The following BCL9 variants were observed in gnomAD, a reference collection of about 807,000 sequenced individuals.
BCL9 encodes BCL9 transcription coactivator.
BCL9 carries 25 observed loss-of-function variants against 88.5 expected under a neutral mutation model. The observed-to-expected ratio is 0.28, with a 90% CI of 0.21 to 0.39. The LOEUF is 0.39. Among genes scored for constraint, BCL9 ranks in the 10% least tolerant of loss-of-function variants. The pLI is 1.00. For synonymous variants in BCL9, 711 were observed against 673.3 expected, an observed-to-expected ratio of 1.06 and a Z score of -0.87; for missense variants, 1,817 against 1,877.8, an observed-to-expected ratio of 0.97 and a Z score of 0.60.
chr1:147,580,833 C>T (rs587644783), intron 1 of BCL9, among the ~76,000 whole-genome samples: 3 of 152,294 alleles, frequency 2.0e-5, no homozygotes, highest in East Asian at 3.9e-4. Context: ...TGAGGACCTA[C>T]TATGTGCTGG....
chr1:147,617,784 A>C (rs587699717), intron 7 of BCL9, among the ~76,000 whole-genome samples: 19 of 152,272 alleles, frequency 1.2e-4, no homozygotes, highest in Admixed American at 1.2e-3. Flanking sequence ...AGTAGGAGCA[A>C]ATGAACACGG....
Position 147,545,876 on chromosome 1 carries a change from G to GTATAAC in BCL9, c.-478+4202_-478+4203insTATAAC, listed in dbSNP as rs587687083. On this transcript the variant is annotated intron_variant, in intron 1 of 9. Transcript: ENST00000234739. ...GTATTGTTATCCTTCTGTTATATTT[G>GTATAAC]AGTAAGGTTATGTGACTCACCCAAG... is the stretch of plus-strand genomic sequence containing the variant. Among the ~76,000 whole-genome samples, 616 of 152,204 alleles carry GTATAAC rather than the reference G, an allele frequency of 4.0e-3. 4 individuals are homozygous for GTATAAC. The highest frequency in any genetic ancestry group is 0.014 in the African/African-American group (580 of 41,526).
chr1:147,575,050 G>A (rs924863615), intron 1 of BCL9, among the ~76,000 whole-genome samples: 6 of 152,144 alleles, frequency 3.9e-5, no homozygotes, highest in African/African-American at 1.2e-4. Context: ...CAAAAAAGAC[G>A]AATAATAATA....
At chr1:147,564,552 A>C (rs1655522096) in intron 1 of BCL9, among the ~76,000 whole-genome samples, 1 of 152,138 alleles carries the variant, frequency 6.6e-6, no homozygotes, top group Admixed American at 6.5e-5. Context: ...CAATTTCCTC[A>C]TCTGTAAAAT....
At chr1:147,577,834 ATGTGTGTG>A (rs67428703) in intron 1 of BCL9, among the ~76,000 whole-genome samples, 8 of 141,068 alleles carry the variant, frequency 5.7e-5, no homozygotes, top group East Asian at 2.2e-4. Flanking sequence ...TTTTCTACCA[ATGTGTGTG>A]TGTGTGTGTG....
chr1:147,619,501 C>T lies in BCL9; in HGVS notation c.1346C>T (p.Ser449Phe). The change falls in exon 8 of 10, where the codon TCT (serine) becomes TTT (phenylalanine). Residue 449 changes from serine to phenylalanine, a missense_variant. By Grantham distance (155) the Ser-to-Phe change is radical. This residue lies in a region of BCL9 where 1,228 missense variants were observed against 1,191.6 expected (regional missense o/e 1.03). Coordinates refer to ENST00000234739, the MANE Select transcript of BCL9 (RefSeq NM_004326.4). The surrounding 1 kb of genome is among the most constrained non-coding windows in gnomAD (Gnocchi z 4.1). ...TCTCCAGATGAAATGGTTCCACCTT[C>T]TATGAACTCCCAGTCTGGGACCATA... ...PFSPDEMVPP[S>F]MNSQSGTIGP... The T allele has an allele frequency of 6.2e-7, 1 of 1,614,166 alleles. No homozygotes were observed. Among genetic ancestry groups the T allele is most frequent in the South Asian group, 1.1e-5 (1 of 91,080 alleles).
chr1:147,624,980 C>G lies in BCL9; in HGVS notation c.*21C>G, dbSNP rs782434349. ...TTTAAGCTGCTAAGATGGGATGTGC[C>G]GATCCTTGTCAAGATGAGATTCCAG... is the stretch of plus-strand genomic sequence containing the variant. On this transcript the variant is annotated 3_prime_UTR_variant, in exon 10 of 10. Transcript: ENST00000234739. The surrounding 1 kb of genome is among the most constrained non-coding windows in gnomAD (Gnocchi z 4.4). 6.3e-6 allele frequency: 10 copies of G among 1,588,052 alleles called. No homozygotes were observed. The highest frequency in any genetic ancestry group is 2.2e-5 in the South Asian group (2 of 89,062).
chr1:147,591,195 C>T (rs191129438), intron 1 of BCL9, among the ~76,000 whole-genome samples: 32 of 151,974 alleles, frequency 2.1e-4, no homozygotes, highest in Non-Finnish European at 4.4e-4. Context: ...GTGCCTATTC[C>T]ATAGGCAGTA....
At chr1:147,614,844 C>T (rs1467127360) in intron 6 of BCL9, among the ~76,000 whole-genome samples, 1 of 142,264 alleles carries the variant, frequency 7.0e-6, no homozygotes. Context: ...ATCTCTTTTT[C>T]TTTTTTTTTT....
intron 1 of BCL9, among the ~76,000 whole-genome samples, chr1:147,582,766 A>G (rs920983174): frequency 3.3e-5 from 5 of 152,262 alleles, no homozygotes; most frequent in African/African-American, 9.6e-5. Flanking sequence ...CTTTCACCGT[A>G]CAATGGCAGA....
chr1:147,559,164 A>G (rs1248941461), intron 1 of BCL9, among the ~76,000 whole-genome samples: 1 of 1,870 alleles, frequency 5.3e-4, no homozygotes, highest in Non-Finnish European at 1.1e-3. Context: ...CATCTCTCCT[A>G]CTTTTTTTTC....
rs147212054 is a variant in BCL9, at chr1:147,614,521, C to T, written c.465C>T (p.Thr155=). The T allele has an allele frequency of 1.9e-6, 3 of 1,613,890 alleles. No individual in the cohort carries two copies. The highest frequency in any genetic ancestry group is 2.5e-6 in the Non-Finnish European group (3 of 1,179,932). The part of the protein sequence containing the change: ...PSNATAPRSS[T]PSHGQTTATE... ...ATGCTACAGCCCCCAGGTCTTCTAC[C>T]CCCTCCCATGGCCAAACTACTGCCA... Residue 155 remains threonine (T), a synonymous_variant, in exon 6 of 10, where the codon ACC becomes ACT. Coordinates refer to ENST00000234739, the MANE Select transcript of BCL9 (RefSeq NM_004326.4).
intron 1 of BCL9, among the ~76,000 whole-genome samples, chr1:147,584,378 C>A (rs1656505456): frequency 7.2e-6 from 1 of 139,154 alleles, no homozygotes; most frequent in African/African-American, 3.3e-5. Flanking sequence ...TCTTTCATCC[C>A]TCTGTAACTT....
chr1:147,619,835 G>A lies in BCL9; in HGVS notation c.1680G>A (p.Met560Ile), dbSNP rs1553204776. 6.2e-7 allele frequency: 1 copy of A among 1,614,192 alleles called. No individual in the cohort carries two copies. Among genetic ancestry groups the A allele is most frequent in the Non-Finnish European group, 8.5e-7 (1 of 1,180,040 alleles). The change falls in exon 8 of 10, where the codon ATG (methionine) becomes ATA (isoleucine). Residue 560 changes from methionine to isoleucine, a missense_variant. Coordinates refer to ENST00000234739, the MANE Select transcript of BCL9 (RefSeq NM_004326.4). The surrounding 1 kb of genome is among the most constrained non-coding windows in gnomAD (Gnocchi z 4.1). ...ACCCCAACATGCCAGGGAGCCAGAT[G>A]CGCCTCCCTGGATTTGCAGGCATGA... is the stretch of plus-strand genomic sequence containing the variant. ...APHPNMPGSQ[M>I]RLPGFAGMIN...
chr1:147,605,701 T>A (rs78684961), intron 2 of BCL9, among the ~76,000 whole-genome samples: 1,771 of 152,322 alleles, frequency 0.012, 21 homozygotes, highest in Non-Finnish European at 0.02. Context: ...TGGTTTTTCC[T>A]ATTGTGTACT....
At chr1:147,609,241 G>A (rs781995388) in intron 3 of BCL9, among the ~76,000 whole-genome samples, 51 of 152,166 alleles carry the variant, frequency 3.4e-4, no homozygotes, top group Admixed American at 2.0e-4. Context: ...CTCCTGAAGA[G>A]CCTAATTTTA....
At chr1:147,572,070 T>C in intron 1 of BCL9, among the ~76,000 whole-genome samples, 1 of 56,520 alleles carries the variant, frequency 1.8e-5, no homozygotes, top group East Asian at 5.7e-4. Context: ...AAACCCCGTC[T>C]GTACTAAAAA....
rs1344406557 is a variant in BCL9, at chr1:147,604,337, T to G, written c.-477-440T>G. 7.2e-5 allele frequency among the ~76,000 whole-genome samples: 11 copies of G among 152,334 alleles called. No homozygotes were observed. In the East Asian group the frequency reaches 1.9e-3, roughly 27 times the overall value. On this transcript the variant is annotated intron_variant, in intron 1 of 9. Transcript: ENST00000234739. ...CAACTGATTTTTGAAAGTTATATTA[T>G]CTCATGGCCACTTGCATTTTAGGTT...
At chr1:147,579,155 C>T (rs1047411203) in intron 1 of BCL9, among the ~76,000 whole-genome samples, 12 of 152,130 alleles carry the variant, frequency 7.9e-5, no homozygotes, top group Admixed American at 2.6e-4. Flanking sequence ...CGTGAGCCAC[C>T]GCGCCCAGCT....
Sources: allele counts gnomAD v4.1 joint callset (sites outside exome capture counted in the v4.1 genomes callset), GRCh38; gene constraint gnomAD v4.1.1; regional missense constraint gnomAD v4.1.1; non-coding constraint Gnocchi (gnomAD v3.1); transcripts MANE v1.5; gene names NCBI Gene and HGNC (gene_info 2026-07-23, HGNC 2026-07-21).